Variants in COPB1 observed in about 807,000 individuals in gnomAD.
The protein encoded by COPB1 is coat protein complex I subunit beta 1.
Under a neutral mutation model 108.7 loss-of-function variants are expected in COPB1, and 21 were observed. That is an observed-to-expected ratio of 0.19 (90% CI 0.14 to 0.28). The LOEUF is 0.28. Ranked by LOEUF, COPB1 falls within the 10% of genes least tolerant of loss-of-function variation. The pLI, the probability that COPB1 is intolerant of heterozygous loss-of-function variation, is 1.00. For synonymous variants in COPB1, 378 were observed against 386.8 expected, an observed-to-expected ratio of 0.98 and a Z score of 0.27; for missense variants, 919 against 1,141.3, an observed-to-expected ratio of 0.81 and a Z score of 2.81.
chr11:14,479,771 TC>T, intron 10 of COPB1, 57 bp from the exon 11 acceptor site: 2 of 1,437,238 alleles, frequency 1.4e-6, no homozygotes, highest in Non-Finnish European at 1.9e-6. Context: ...AAGAAAATTA[TC>T]TAGGACAAGA....
chr11:14,485,446 T>C (rs929572376), intron 7 of COPB1, among the ~76,000 whole-genome samples: 1 of 152,166 alleles, frequency 6.6e-6, no homozygotes, highest in African/African-American at 2.4e-5. Flanking sequence ...GGATTTTAGG[T>C]GTTAGCCTCT....
chr11:14,467,981 A>G (rs1047439321), intron 16 of COPB1, among the ~76,000 whole-genome samples: 1 of 152,232 alleles, frequency 6.6e-6, no homozygotes, highest in Non-Finnish European at 1.5e-5. Flanking sequence ...GCATAACAAT[A>G]TGAATTTAAT....
chr11:14,457,807 G>T lies in COPB1; in HGVS notation c.*17C>A. 2 of 1,520,640 alleles carry T rather than the reference G, an allele frequency of 1.3e-6. No homozygotes were observed. The highest frequency in any genetic ancestry group is 1.8e-6 in the Non-Finnish European group (2 of 1,097,886). 94.2% of individuals were successfully genotyped at this position (1,520,640 alleles called of 1,614,324 possible). A position where few individuals can be genotyped will look rare whatever the true frequency, so the allele number is the denominator to read the frequency against. ...ACCTAAATTAACTGTAAAGCTTCAA[G>T]GACTTTTTGTTTATTTTTATATACT... is the stretch of plus-strand genomic sequence containing the variant. On this transcript the variant is annotated 3_prime_UTR_variant, in exon 22 of 22. Coordinates refer to ENST00000439561, the MANE Select transcript of COPB1 (RefSeq NM_001144061.2).
At chr11:14,498,549 A>G (rs1479662163) in intron 2 of COPB1, among the ~76,000 whole-genome samples, 1 of 152,190 alleles carries the variant, frequency 6.6e-6, no homozygotes, top group Non-Finnish European at 1.5e-5. Flanking sequence ...GCCTAGAGAA[A>G]ATAATCAGCC....
intron 12 of COPB1, 25 bp from the exon 13 acceptor site, chr11:14,475,970 T>A (rs1850511951): frequency 6.4e-7 from 1 of 1,560,610 alleles, no homozygotes; most frequent in Non-Finnish European, 8.7e-7. Flanking sequence ...GAAACATCAT[T>A]TTAGTAATAG....
In COPB1 at chr11:14,498,898, A is replaced by T. The variant is rs1851087012; in HGVS notation, c.31T>A (p.Leu11Ile). 1 of 1,611,072 alleles carries T rather than the reference A, an allele frequency of 6.2e-7. No homozygotes were observed. Among genetic ancestry groups the T allele is most frequent in the African/African-American group, 1.3e-5 (1 of 74,732 alleles). ...TCTGAATCCATTGGCACGTTAATTA[A>T]CGTGTAGCATACGTTCTCAGCCGCC... MTAAENVCYT[L>I]INVPMDSEPP... Residue 11 changes from leucine to isoleucine, a missense_variant, in exon 2 of 22, where the codon TTA becomes ATA. Coordinates refer to ENST00000439561, the MANE Select transcript of COPB1 (RefSeq NM_001144061.2).
At chr11:14,493,024 T>C (rs1365413122) in intron 4 of COPB1, among the ~76,000 whole-genome samples, 1 of 152,104 alleles carries the variant, frequency 6.6e-6, no homozygotes, top group Non-Finnish European at 1.5e-5. Context: ...TGGGTGCCTG[T>C]AATCCCAGCT....
Position 14,493,888 on chromosome 11 carries a change from A to G in COPB1, c.322-77T>C, listed in dbSNP as rs866641591. 4.3e-5 allele frequency: 54 copies of G among 1,245,516 alleles called. No homozygotes were observed. The African/African-American group carries it at 6.7e-4, about 15-fold the overall frequency. 77.2% of individuals were successfully genotyped at this position (1,245,516 alleles called of 1,614,324 possible). A position where few individuals can be genotyped will look rare whatever the true frequency, so the allele number is the denominator to read the frequency against. On this transcript the variant is annotated intron_variant, in intron 3 of 21. Coordinates refer to ENST00000439561, the MANE Select transcript of COPB1 (RefSeq NM_001144061.2). ...GAAAATTTTAATGCAAAACTTTCCA[A>G]TGGAAAAAAAATACGTTTGAGAAAA... is the stretch of plus-strand genomic sequence containing the variant.
chr11:14,498,631 G>A (rs895503082), intron 2 of COPB1, among the ~76,000 whole-genome samples: 10 of 151,936 alleles, frequency 6.6e-5, no homozygotes, highest in Non-Finnish European at 1.2e-4. Context: ...ATTTCTTTAG[G>A]TTTACTAAGA....
intron 4 of COPB1, among the ~76,000 whole-genome samples, chr11:14,493,128 G>T (rs529790134): frequency 6.6e-6 from 1 of 152,088 alleles, no homozygotes; most frequent in Non-Finnish European, 1.5e-5. Context: ...CCTGGGCAAC[G>T]AGAGTGGAAC....
At position 14,468,811 on chromosome 11, in the gene COPB1, G is replaced by A. The variant is rs1394176287; in HGVS notation, c.2015C>T (p.Ser672Phe). The change falls in exon 16 of 22, where the codon TCC becomes TTC. Residue 672 changes from serine to phenylalanine, a missense_variant. Coordinates refer to ENST00000439561, the MANE Select transcript of COPB1 (RefSeq NM_001144061.2). Reference protein sequence around the residue: ...NVTVQPDDPISFMQLTAKNEM... With the variant: ...NVTVQPDDPIFFMQLTAKNEM... ...ATTCTTAGCAGTTAGTTGCATGAAG[G>A]AAATGGGGTCATCAGGCTGTACTGT... The A allele has an allele frequency of 6.2e-7, 1 of 1,614,098 alleles. No homozygotes were observed. The highest frequency in any genetic ancestry group is 8.5e-7 in the Non-Finnish European group (1 of 1,179,976).
chr11:14,464,772 G>A (rs1009687680), intron 18 of COPB1, 139 bp downstream of exon 18: 31 of 902,712 alleles, frequency 3.4e-5, no homozygotes, highest in Middle Eastern at 7.2e-4. Flanking sequence ...AGTTCAATGC[G>A]TGGTACCATA....
chr11:14,469,060 T>A (rs1370823117), intron 15 of COPB1, among the ~76,000 whole-genome samples, 200 bp from the exon 16 acceptor site: 1 of 152,208 alleles, frequency 6.6e-6, no homozygotes, highest in Non-Finnish European at 1.5e-5. Context: ...AGTGGTATGA[T>A]CACAGCTCAC....
chr11:14,470,549 C>T (rs1326808399), intron 14 of COPB1, among the ~76,000 whole-genome samples: 1 of 152,122 alleles, frequency 6.6e-6, no homozygotes, highest in African/African-American at 2.4e-5. Flanking sequence ...TAGCATTATC[C>T]TGACACATAT....
Position 14,486,507 on chromosome 11 carries a change from G to A in COPB1, c.700-3C>T. On this transcript the variant is annotated splice_region_variant and splice_polypyrimidine_tract_variant and intron_variant, in intron 6 of 21. Coordinates refer to ENST00000439561, the MANE Select transcript of COPB1 (RefSeq NM_001144061.2). ...TCTGATGGATTAGCATGACAGACCT[G>A]GAGAAGAAAACATTAACATTTCAAC... is the stretch of plus-strand genomic sequence containing the variant. The A allele has an allele frequency of 1.2e-6, 2 of 1,612,154 alleles. No homozygotes were observed. The highest frequency in any genetic ancestry group is 8.5e-7 in the Non-Finnish European group (1 of 1,179,442).
At chr11:14,474,674 G>GTATA (rs1230931778) in intron 13 of COPB1, 59 bp from the exon 14 acceptor site, 30 of 1,598,822 alleles carry the variant, frequency 1.9e-5, no homozygotes, top group Middle Eastern at 1.7e-4. Flanking sequence ...TGCAGCTTCT[G>GTATA]TATAAATGAA....
intron 11 of COPB1, among the ~76,000 whole-genome samples, chr11:14,478,685 C>G (rs1489605645): frequency 1.3e-5 from 2 of 151,748 alleles, no homozygotes; most frequent in Non-Finnish European, 2.9e-5. Flanking sequence ...CTCCTGACAT[C>G]CAGCAATTCT....
intron 14 of COPB1, among the ~76,000 whole-genome samples, chr11:14,471,886 C>T (rs1008956709): frequency 2.6e-5 from 4 of 152,146 alleles, no homozygotes; most frequent in African/African-American, 9.7e-5. Context: ...CATGCCATGG[C>T]ACTCCGGCCT....
chr11:14,473,769 C>T (rs1180966542), intron 14 of COPB1, among the ~76,000 whole-genome samples: 1 of 149,898 alleles, frequency 6.7e-6, no homozygotes, highest in African/African-American at 2.5e-5. Context: ...ATGAAGTGAG[C>T]ATATGCTTAT....
Sources: gnomAD v4.1 joint callset for allele counts (sites outside exome capture counted in the v4.1 genomes callset) on GRCh38, gnomAD v4.1.1 for gene constraint, MANE v1.5 for transcripts, NCBI Gene and HGNC (gene_info 2026-07-23, HGNC 2026-07-21) for gene names.